Variants in SYT16 observed in about 807,000 individuals in gnomAD.
SYT16 encodes synaptotagmin-16.
In SYT16, 42 loss-of-function variants were observed where a neutral mutation model predicts 61.4. That is an observed-to-expected ratio of 0.68 (90% CI 0.53 to 0.89). The LOEUF (loss-of-function observed/expected upper bound fraction) is 0.89. Ranked by LOEUF, SYT16 falls within the 40% of genes least tolerant of loss-of-function variation. The pLI, the probability that SYT16 is intolerant of heterozygous loss-of-function variation, is 0.00. For synonymous variants in SYT16, 314 were observed against 302.3 expected (o/e 1.04, Z -0.40); for missense variants, 804 against 807.3 (o/e 1.00, Z 0.05).
chr14:62,056,524 T>A (rs1438077725), intron 3 of SYT16, among the ~76,000 whole-genome samples: 3 of 152,188 alleles, frequency 2.0e-5, no homozygotes, highest in Non-Finnish European at 4.4e-5. Context: ...CCCACCTGTA[T>A]CTGAATGCAT....
At chr14:62,056,299 C>T (rs962341365) in intron 3 of SYT16, among the ~76,000 whole-genome samples, 9 of 152,214 alleles carry the variant, frequency 5.9e-5, no homozygotes, top group Middle Eastern at 3.4e-3. Flanking sequence ...TGGAGGAGGG[C>T]GATTTGGTAC....
chr14:62,075,146 G>A lies in SYT16; in HGVS notation c.748G>A (p.Ala250Thr), dbSNP rs1263968461. ...TATTGCAAATTTAGATTTGGATGGA[G>A]CCAGCCAACGGCGTTATTCTGAGAA... ...EVSACEDLDG[A>T]SQRRYSENLS... is the part of the protein sequence containing the mutation. The change falls in exon 5 of 8, where the codon GCC (alanine) becomes ACC (threonine). Residue 250 changes from alanine to threonine, a missense_variant. Physicochemically the swap from Ala to Thr is moderately conservative, Grantham distance 58 (BLOSUM62 0). Transcript: ENST00000683842. 2 of 1,606,524 alleles carry A rather than the reference G, an allele frequency of 1.2e-6. No individual in the cohort carries two copies. Among genetic ancestry groups the A allele is most frequent in the East Asian group, 4.5e-5 (2 of 44,724 alleles).
At chr14:62,032,097 C>T (rs750777304) in intron 3 of SYT16, among the ~76,000 whole-genome samples, 2 of 151,808 alleles carry the variant, frequency 1.3e-5, no homozygotes, top group Admixed American at 6.6e-5. Context: ...ATGACGAAAA[C>T]GGGAATGATG....
At chr14:61,949,187 T>G (rs879566346) in intron 1 of SYT16, among the ~76,000 whole-genome samples, 5 of 152,228 alleles carry the variant, frequency 3.3e-5, no homozygotes, top group Non-Finnish European at 7.3e-5. Context: ...AGGCTGGTGT[T>G]CTGATTTGTC....
At chr14:62,084,867 T>C (rs1322093427) in intron 7 of SYT16, among the ~76,000 whole-genome samples, 2 of 152,232 alleles carry the variant, frequency 1.3e-5, no homozygotes, top group African/African-American at 4.8e-5. Context: ...AGTACCTTCC[T>C]GATGGAGTTG....
intron 3 of SYT16, among the ~76,000 whole-genome samples, chr14:62,002,318 G>T (rs548487021): frequency 6.6e-6 from 1 of 152,182 alleles, no homozygotes; most frequent in East Asian, 1.9e-4. Flanking sequence ...GCTTCAAAAT[G>T]CTCTATTACT....
Position 62,109,113 on chromosome 14 carries a change from G to A in SYT16, c.*8406G>A, listed in dbSNP as rs921958080. 13 of 152,084 alleles carry A rather than the reference G, an allele frequency of 8.5e-5. No homozygotes were observed. The highest frequency in any genetic ancestry group is 2.7e-4 in the African/African-American group (11 of 41,414). The allele number at this position is 152,084 out of a possible 1,614,324, so 9.4% of individuals were successfully genotyped here. On this transcript the variant is annotated 3_prime_UTR_variant, in exon 8 of 8. Coordinates refer to ENST00000683842, the MANE Select transcript of SYT16 (RefSeq NM_001367656.1). ...TGGGTTTTGACCAATGCACAATGACGTGTGTCCACTATTGTAGTATCATAC... is the reference window on the plus strand; with the variant it reads ...TGGGTTTTGACCAATGCACAATGACATGTGTCCACTATTGTAGTATCATAC...
intron 3 of SYT16, among the ~76,000 whole-genome samples, chr14:62,060,343 A>T (rs560402328): frequency 3.9e-5 from 6 of 152,010 alleles, no homozygotes; most frequent in Non-Finnish European, 7.4e-5. Context: ...TTTTTAAAAA[A>T]TTTCATTTGT....
At chr14:61,944,637 AAAGGATTCCCT>A (rs2050346171) in intron 1 of SYT16, among the ~76,000 whole-genome samples, 2 of 152,242 alleles carry the variant, frequency 1.3e-5, no homozygotes, top group South Asian at 4.1e-4. Flanking sequence ...AGCAATGGGG[AAAGGATTCCCT>A]ATTTAAAAAA....
chr14:61,844,060 T>G (rs867255958), intron 1 of SYT16, among the ~76,000 whole-genome samples: 3 of 152,312 alleles, frequency 2.0e-5, no homozygotes, highest in Middle Eastern at 3.4e-3. Flanking sequence ...CATTTTTTGG[T>G]GCCTTCTTCA....
chr14:61,976,904 C>G (rs117687581), intron 2 of SYT16, among the ~76,000 whole-genome samples: 7,218 of 152,034 alleles, frequency 0.047, 250 homozygotes, highest in East Asian at 0.11. Context: ...TCAGGATGCA[C>G]ATTTTCCAAG....
chr14:61,964,059 T>C (rs1303218777), intron 1 of SYT16, among the ~76,000 whole-genome samples: 1 of 152,180 alleles, frequency 6.6e-6, no homozygotes, highest in Non-Finnish European at 1.5e-5. Context: ...CACCTGGTCA[T>C]GCAAGAGCTC....
At chr14:62,017,599 C>A (rs2053741768) in intron 3 of SYT16, among the ~76,000 whole-genome samples, 1 of 152,184 alleles carries the variant, frequency 6.6e-6, no homozygotes, top group Non-Finnish European at 1.5e-5. Context: ...CCCTTTTATT[C>A]ATGCATGTAA....
intron 1 of SYT16, among the ~76,000 whole-genome samples, chr14:61,927,291 G>A (rs1336298161): frequency 6.6e-6 from 1 of 152,140 alleles, no homozygotes; most frequent in Non-Finnish European, 1.5e-5. Context: ...TTTATTCCAG[G>A]TTACGATATT....
intron 3 of SYT16, among the ~76,000 whole-genome samples, chr14:62,013,986 C>T (rs961572842): frequency 1.3e-5 from 2 of 151,832 alleles, no homozygotes; most frequent in African/African-American, 4.8e-5. Flanking sequence ...AAATTGTTGA[C>T]TATTCCCCCC....
At chr14:61,898,728 A>G (rs1010108511) in intron 1 of SYT16, among the ~76,000 whole-genome samples, 1 of 152,200 alleles carries the variant, frequency 6.6e-6, no homozygotes, top group African/African-American at 2.4e-5. Context: ...TGTGTTGGAA[A>G]GATATGACAG....
At chr14:61,932,320 A>G (rs2140428676) in intron 1 of SYT16, among the ~76,000 whole-genome samples, 1 of 152,324 alleles carries the variant, frequency 6.6e-6, no homozygotes, top group African/African-American at 2.4e-5. Context: ...AGTCTGTGTT[A>G]GTCTGTTTTC....
At chr14:61,820,849 A>G (rs374851878) in intron 1 of SYT16, among the ~76,000 whole-genome samples, 7 of 152,180 alleles carry the variant, frequency 4.6e-5, no homozygotes, top group East Asian at 1.9e-4. Context: ...AAAAAGCTTA[A>G]TATGCTAGTA....
At chr14:61,863,813 C>A (rs59995280) in intron 1 of SYT16, among the ~76,000 whole-genome samples, 7,880 of 151,758 alleles carry the variant, frequency 0.052, 471 homozygotes, top group African/African-American at 0.15. Flanking sequence ...TGTCTAGATT[C>A]ATTTTTTTTT....
Sources: allele counts gnomAD v4.1 joint callset (sites outside exome capture counted in the v4.1 genomes callset), GRCh38; gene constraint gnomAD v4.1.1; transcripts MANE v1.5; gene names NCBI Gene and HGNC (gene_info 2026-07-23, HGNC 2026-07-21).